The following ATP1A1 variants were observed in gnomAD, a reference collection of about 807,000 sequenced individuals.
ATP1A1 encodes ATPase Na+/K+ transporting subunit alpha 1.
A neutral mutation model predicts 114.8 loss-of-function variants in ATP1A1; 14 were observed. The observed-to-expected ratio is 0.12, with a 90% CI of 0.08 to 0.19. The LOEUF (loss-of-function observed/expected upper bound fraction) is 0.19. ATP1A1 is among the 10% of genes least tolerant of loss of function. The pLI is 1.00. For synonymous variants in ATP1A1, 471 were observed against 466.3 expected, an observed-to-expected ratio of 1.01 and a Z score of -0.13; for missense variants, 524 against 1,290.7, an observed-to-expected ratio of 0.41 and a Z score of 9.10.
In ATP1A1 at chr1:116,390,150, C is replaced by G. The variant is rs1023426834; in HGVS notation, c.1024-63C>G. On this transcript the variant is annotated intron_variant, in intron 8 of 22. Transcript: ENST00000295598. ...AAATTTCTTCCACATTAGGATATAG[C>G]AAGAATCTGTATAGAATTCCAGCCT... The G allele has an allele frequency of 4.7e-6, 7 of 1,503,642 alleles. No homozygotes were observed. The African/African-American group carries it at 9.7e-5, about 21-fold the overall frequency. The allele number at this position is 1,503,642 out of a possible 1,614,324, so 93.1% of individuals were successfully genotyped here.
intron 1 of ATP1A1, among the ~76,000 whole-genome samples, chr1:116,380,315 T>C (rs1013966827): frequency 1.3e-5 from 2 of 152,146 alleles, no homozygotes; most frequent in Non-Finnish European, 2.9e-5. Context: ...CTCTAAACTT[T>C]TTCAGCAGGA....
At position 116,393,491 on chromosome 1, in the gene ATP1A1, T is replaced by A. The variant is rs968592287; in HGVS notation, c.1468-40T>A. 6.3e-7 allele frequency: 1 copy of A among 1,576,244 alleles called. No homozygotes were observed. The highest frequency in any genetic ancestry group is 8.6e-7 in the Non-Finnish European group (1 of 1,156,196). On this transcript the variant is annotated intron_variant, in intron 11 of 22. Coordinates refer to ENST00000295598, the MANE Select transcript of ATP1A1 (RefSeq NM_000701.8). The surrounding 1 kb of genome is among the most constrained non-coding windows in gnomAD (Gnocchi z 5.0). ...GTTTTCCACCATGGACTGCCACACA[T>A]CCAACCATCCAATGTTTATGTCTCA... is the stretch of plus-strand genomic sequence containing the variant.
At position 116,389,347 on chromosome 1, in the gene ATP1A1, T is replaced by G; in HGVS notation, c.755-92T>G. The stretch of plus-strand genomic sequence containing the variant: ...AAGTGCTTTTATCAACTCTTTTTGT[T>G]TTTTTAGTCATCCTATGTAATTGTG... On this transcript the variant is annotated intron_variant, in intron 7 of 22. Transcript: ENST00000295598. The surrounding 1 kb of genome is among the most constrained non-coding windows in gnomAD (Gnocchi z 6.9). 1 of 1,516,466 alleles carries G rather than the reference T, an allele frequency of 6.6e-7. No individual in the cohort carries two copies. The allele number at this position is 1,516,466 out of a possible 1,614,324, so 93.9% of individuals were successfully genotyped here. A position where few individuals can be genotyped will look rare whatever the true frequency, so the allele number is the denominator to read the frequency against.
In ATP1A1 at chr1:116,384,730, A is replaced by T. The variant is rs1196598310; in HGVS notation, c.124-53A>T. 2.0e-6 allele frequency: 3 copies of T among 1,477,128 alleles called. No homozygotes were observed. The highest frequency in any genetic ancestry group is 2.9e-5 in the African/African-American group (2 of 69,696). 91.5% of individuals were successfully genotyped at this position (1,477,128 alleles called of 1,614,324 possible). On this transcript the variant is annotated intron_variant, in intron 2 of 22. Coordinates refer to ENST00000295598, the MANE Select transcript of ATP1A1 (RefSeq NM_000701.8). This position sits in a 1 kb window ranked among gnomAD's most constrained non-coding sequence, Gnocchi z 5.1. ...AATGAATAATGCTATTTTTTCTGTC[A>T]TTTTTTTATACTACACTGTTTAACT... is the stretch of plus-strand genomic sequence containing the variant.
intron 13 of ATP1A1, among the ~76,000 whole-genome samples, chr1:116,396,107 A>G (rs1652895326): frequency 6.6e-6 from 1 of 152,084 alleles, no homozygotes; most frequent in Non-Finnish European, 1.5e-5. Flanking sequence ...TTTCCTCACC[A>G]TTCCGACTGC....
intron 1 of ATP1A1, among the ~76,000 whole-genome samples, chr1:116,378,279 C>T (rs960844290): frequency 6.6e-6 from 1 of 152,206 alleles, no homozygotes; most frequent in Admixed American, 6.5e-5. Context: ...TGTGACTTTA[C>T]AGTGAATCTC....
At position 116,395,099 on chromosome 1, in the gene ATP1A1, C is replaced by T; in HGVS notation, c.1661-11C>T. On this transcript the variant is annotated splice_polypyrimidine_tract_variant and intron_variant, in intron 12 of 22. Transcript: ENST00000295598. The surrounding 1 kb of genome is among the most constrained non-coding windows in gnomAD (Gnocchi z 6.4). ...CACTGAAATTTTCAAAGGCTCCTGTCCTCCTCGCAGGTTTCTGCCACCTCT... is the reference window on the plus strand; with the variant it reads ...CACTGAAATTTTCAAAGGCTCCTGTTCTCCTCGCAGGTTTCTGCCACCTCT... 1 of 1,612,814 alleles carries T rather than the reference C, an allele frequency of 6.2e-7. No individual in the cohort carries two copies. Among genetic ancestry groups the T allele is most frequent in the Non-Finnish European group, 8.5e-7 (1 of 1,179,274 alleles).
In ATP1A1 at chr1:116,393,462, CT is replaced by C. The variant is rs1652636780; in HGVS notation, c.1468-66del. On this transcript the variant is annotated intron_variant, in intron 11 of 22. Coordinates refer to ENST00000295598, the MANE Select transcript of ATP1A1 (RefSeq NM_000701.8). This position sits in a 1 kb window ranked among gnomAD's most constrained non-coding sequence, Gnocchi z 5.0. The stretch of plus-strand genomic sequence containing the variant: ...AGCAAATACTAAATAGTAAGTGAAG[CT>C]TTGTTTTCCACCATGGACTGCCACA... 7 of 1,486,950 alleles carry C rather than the reference CT, an allele frequency of 4.7e-6. No homozygotes were observed. In the East Asian group the frequency reaches 1.6e-4, roughly 34 times the overall value. 92.1% of individuals were successfully genotyped at this position (1,486,950 alleles called of 1,614,324 possible).
At chr1:116,373,837 A>G in intron 1 of ATP1A1, 2 of 1,227,058 alleles carry the variant, frequency 1.6e-6, no homozygotes, top group Non-Finnish European at 2.0e-6. Context: ...GGTGCTTGGG[A>G]AGCCTCGGGG....
rs1218972771 is a variant in ATP1A1 at position 116,390,952 on chromosome 1, T to C, written c.1332+61T>C. ...CAGCACATGAGAACTGCCATTTGAG[T>C]GTTAAAAGTAGCAAATTACCTTTGT... On this transcript the variant is annotated intron_variant, in intron 10 of 22. Coordinates refer to ENST00000295598, the MANE Select transcript of ATP1A1 (RefSeq NM_000701.8). 8 of 1,452,248 alleles carry C rather than the reference T, an allele frequency of 5.5e-6. No individual in the cohort carries two copies. The Admixed American group carries it at 6.8e-5, about 12-fold the overall frequency. The allele number at this position is 1,452,248 out of a possible 1,614,324, so 90.0% of individuals were successfully genotyped here. A position where few individuals can be genotyped will look rare whatever the true frequency, so the allele number is the denominator to read the frequency against.
In ATP1A1 at chr1:116,384,645, TG is replaced by T. The variant is rs1355305782; in HGVS notation, c.124-137del. ...AAAGCCACAAAGCGATGGTGAAAATTGTACCAACTTATGCACTGAAGAAAAC... is the reference window on the plus strand; with the variant it reads ...AAAGCCACAAAGCGATGGTGAAAATTTACCAACTTATGCACTGAAGAAAAC... On this transcript the variant is annotated intron_variant, in intron 2 of 22. Transcript: ENST00000295598. The surrounding 1 kb of genome is among the most constrained non-coding windows in gnomAD (Gnocchi z 5.1). 1.4e-6 allele frequency: 1 copy of T among 705,706 alleles called. No individual in the cohort carries two copies. 43.7% of individuals were successfully genotyped at this position (705,706 alleles called of 1,614,324 possible).
intron 21 of ATP1A1, chr1:116,402,183 C>G (rs1481515143): frequency 6.5e-6 from 1 of 153,174 alleles, no homozygotes; most frequent in East Asian, 1.9e-4. Context: ...TACTGCTAGT[C>G]TTTGGCCTTA....
In ATP1A1 at chr1:116,390,308, C is replaced by A. The variant is rs1183268053; in HGVS notation, c.1119C>A (p.Ile373=). ...AGACCTTGGGGTCCACGTCCACCAT[C>A]TGCTCTGATAAAACTGGAACTCTGA... is the stretch of plus-strand genomic sequence containing the variant. The part of the protein sequence containing the change: ...AVETLGSTST[I]CSDKTGTLTQ... Residue 373 remains isoleucine (I), a synonymous_variant, in exon 9 of 23, where the codon ATC becomes ATA. Coordinates refer to ENST00000295598, the MANE Select transcript of ATP1A1 (RefSeq NM_000701.8). 6.2e-7 allele frequency: 1 copy of A among 1,613,994 alleles called. No homozygotes were observed. The highest frequency in any genetic ancestry group is 8.5e-7 in the Non-Finnish European group (1 of 1,180,006).
chr1:116,373,930 G>A, intron 1 of ATP1A1: 2 of 1,311,748 alleles, frequency 1.5e-6, no homozygotes, highest in South Asian at 2.0e-5. Context: ...CCCTGCGACC[G>A]CCGTCACCTC....
Position 116,395,561 on chromosome 1 carries a change from TACTTGCA to T in ATP1A1, c.1836+277_1836+283del, listed in dbSNP as rs1336638827. On this transcript the variant is annotated intron_variant, in intron 13 of 22. Coordinates refer to ENST00000295598, the MANE Select transcript of ATP1A1 (RefSeq NM_000701.8). The surrounding 1 kb of genome is among the most constrained non-coding windows in gnomAD (Gnocchi z 6.4). ...CAGCAAAAGACTTGAAGTTTTAAAA[TACTTGCA>T]TTATTCTAAGTTAATGTACCTTATG... Among the ~76,000 whole-genome samples the T allele has an allele frequency of 2.0e-5, 3 of 152,246 alleles. No individual in the cohort carries two copies. The highest frequency in any genetic ancestry group is 2.9e-5 in the Non-Finnish European group (2 of 68,038).
chr1:116,375,234 C>CGGTTGGCTAG (rs1553189097), intron 1 of ATP1A1, among the ~76,000 whole-genome samples: 1 of 152,210 alleles, frequency 6.6e-6, no homozygotes, highest in Non-Finnish European at 1.5e-5. Flanking sequence ...CAAGGTCAAA[C>CGGTTGGCTAG]GGTTGGCTAG....
At chr1:116,403,634 T>C (rs1186483337) in intron 21 of ATP1A1, among the ~76,000 whole-genome samples, 1 of 152,330 alleles carries the variant, frequency 6.6e-6, no homozygotes, top group East Asian at 1.9e-4. Flanking sequence ...AAACTGAAGA[T>C]GAGTAGGGAT....
In ATP1A1 at chr1:116,387,344, C is replaced by T; in HGVS notation, c.240C>T (p.Leu80=). 2 of 1,614,208 alleles carry T rather than the reference C, an allele frequency of 1.2e-6. No individual in the cohort carries two copies. Among genetic ancestry groups the T allele is most frequent in the Non-Finnish European group, 1.7e-6 (2 of 1,180,040 alleles). The change falls in exon 4 of 23, where the codon CTC becomes CTT. Residue 80 remains leucine (L), a synonymous_variant. Coordinates refer to ENST00000295598, the MANE Select transcript of ATP1A1 (RefSeq NM_000701.8). This position sits in a 1 kb window ranked among gnomAD's most constrained non-coding sequence, Gnocchi z 6.7. ...TGGCGCGAGATGGTCCCAACGCCCT[C>T]ACTCCCCCTCCCACTACTCCTGAAT... ...EILARDGPNA[L]TPPPTTPEWI... is the part of the protein sequence containing the mutation.
In ATP1A1 at chr1:116,396,049, G is replaced by A. The variant is rs917880651; in HGVS notation, c.1837-549G>A. On this transcript the variant is annotated intron_variant, in intron 13 of 22. Coordinates refer to ENST00000295598, the MANE Select transcript of ATP1A1 (RefSeq NM_000701.8). ...GTTACAAGCGTGAGCCACCACACCC[G>A]GCCTACTCTCAGGATTAATACTGCC... Among the ~76,000 whole-genome samples, 8 of 152,170 alleles carry A rather than the reference G, an allele frequency of 5.3e-5. No individual in the cohort carries two copies. In the East Asian group the frequency reaches 5.8e-4, roughly 11 times the overall value.
Sources: gnomAD v4.1 joint callset for allele counts (sites outside exome capture counted in the v4.1 genomes callset) on GRCh38, gnomAD v4.1.1 for gene constraint, Gnocchi (gnomAD v3.1) non-coding constraint, MANE v1.5 for transcripts, NCBI Gene and HGNC (gene_info 2026-07-23, HGNC 2026-07-21) for gene names.